The following NKD1 variants were observed in gnomAD, a reference collection of about 807,000 sequenced individuals.
NKD1 encodes the protein protein naked cuticle homolog 1.
A neutral mutation model predicts 56.0 loss-of-function variants in NKD1; 21 were observed. That is an observed-to-expected ratio of 0.38 (90% CI 0.27 to 0.54). The LOEUF (loss-of-function observed/expected upper bound fraction) is 0.54, where lower values mean the gene tolerates loss of function less well. Among genes scored for constraint, NKD1 ranks in the 20% least tolerant of loss-of-function variants. The pLI, the probability that NKD1 is intolerant of heterozygous loss-of-function variation, is 0.82. For missense variants in NKD1, 578 were observed against 642.7 expected (o/e 0.90, Z 1.09); for synonymous variants, 263 against 265.7 (o/e 0.99, Z 0.10).
At chr16:50,595,070 T>A (rs1053307567) in intron 3 of NKD1, among the ~76,000 whole-genome samples, 2 of 152,192 alleles carry the variant, frequency 1.3e-5, no homozygotes, top group African/African-American at 2.4e-5. Context: ...AAGGTGGGCT[T>A]GTTGGTCTGG....
chr16:50,620,668 G>A (rs183015890), intron 4 of NKD1, among the ~76,000 whole-genome samples: 3 of 152,316 alleles, frequency 2.0e-5, no homozygotes, highest in East Asian at 3.9e-4. Flanking sequence ...CTATCTGACA[G>A]AGACAAAATG....
At chr16:50,589,770 T>C (rs1324620406) in intron 3 of NKD1, among the ~76,000 whole-genome samples, 1 of 80,064 alleles carries the variant, frequency 1.2e-5, no homozygotes, top group East Asian at 4.0e-4. Context: ...TTCTCTCCTC[T>C]CCTCTCCTCT....
chr16:50,598,731 G>T lies in NKD1; in HGVS notation c.193-9563G>T, dbSNP rs1961530879. Among the ~76,000 whole-genome samples the T allele has an allele frequency of 6.6e-6, 1 of 152,306 alleles. No individual in the cohort carries two copies. The highest frequency in any genetic ancestry group is 2.1e-4 in the South Asian group (1 of 4,828). On this transcript the variant is annotated intron_variant, in intron 3 of 9. Coordinates refer to ENST00000268459, the MANE Select transcript of NKD1 (RefSeq NM_033119.5). This position sits in a 1 kb window ranked among gnomAD's most constrained non-coding sequence, Gnocchi z 4.2. ...GGCTGTGTGGCGTGGCGGGCCAGTG[G>T]CTGGGCTAGTCAGCAGTGTGGCAGG...
intron 3 of NKD1, among the ~76,000 whole-genome samples, chr16:50,552,952 C>G (rs949060386): frequency 7.2e-5 from 11 of 152,172 alleles, no homozygotes; most frequent in African/African-American, 2.4e-4. Flanking sequence ...AATATGGACT[C>G]ATAGGAGAAA....
At position 50,631,452 on chromosome 16, in the gene NKD1, C is replaced by T. The variant is rs539863560; in HGVS notation, c.695+542C>T. Among the ~76,000 whole-genome samples the T allele has an allele frequency of 4.6e-5, 7 of 152,250 alleles. No individual in the cohort carries two copies. The East Asian group carries it at 7.7e-4, about 17-fold the overall frequency. ...AGGGATTGAGTAAACAACAGTAACACGGCAGGCATAAGGCTGTGTTAACCT... is the reference window on the plus strand; with the variant it reads ...AGGGATTGAGTAAACAACAGTAACATGGCAGGCATAAGGCTGTGTTAACCT... On this transcript the variant is annotated intron_variant, in intron 8 of 9. Transcript: ENST00000268459.
rs1043186892 is a variant in NKD1 at position 50,646,889 on chromosome 16, G to A, written c.*13108G>A. The A allele has an allele frequency of 5.3e-5, 8 of 152,158 alleles. No individual in the cohort carries two copies. Among genetic ancestry groups the A allele is most frequent in the African/African-American group, 1.7e-4 (7 of 41,396 alleles). The allele number at this position is 152,158 out of a possible 1,614,324, so 9.4% of individuals were successfully genotyped here. A position where few individuals can be genotyped will look rare whatever the true frequency, so the allele number is the denominator to read the frequency against. ...AACAGCTGGGTCAGGATATCCCCAG[G>A]GTCATGCCTCTGCCACCCAGACCCC... On this transcript the variant is annotated 3_prime_UTR_variant, in exon 10 of 10. Coordinates refer to ENST00000268459, the MANE Select transcript of NKD1 (RefSeq NM_033119.5).
intron 5 of NKD1, among the ~76,000 whole-genome samples, chr16:50,622,980 C>T (rs150245772): frequency 0.014 from 2,050 of 151,802 alleles, 20 homozygotes; most frequent in Middle Eastern, 0.034. Context: ...GAGGGAACAG[C>T]GGCTGTGGAT....
chr16:50,596,703 G>A (rs996804839), intron 3 of NKD1, among the ~76,000 whole-genome samples: 1 of 152,268 alleles, frequency 6.6e-6, no homozygotes, highest in Admixed American at 6.5e-5. Context: ...CCGCCGTCAG[G>A]CGTTGATACA....
At chr16:50,569,120 C>T (rs779606359) in intron 3 of NKD1, among the ~76,000 whole-genome samples, 71 of 152,300 alleles carry the variant, frequency 4.7e-4, no homozygotes, top group Non-Finnish European at 9.0e-4. Flanking sequence ...TGGTGCCCAG[C>T]GCCTTCTGAT....
chr16:50,623,280 C>T lies in NKD1; in HGVS notation c.366+1572C>T, dbSNP rs1271083790. On this transcript the variant is annotated intron_variant, in intron 5 of 9. Transcript: ENST00000268459. The surrounding 1 kb of genome is among the most constrained non-coding windows in gnomAD (Gnocchi z 4.1). ...CCATGCCCCACCATCCTGCACAGGC[C>T]ACACCACACAGCTTGTTCTCCCCAC... Among the ~76,000 whole-genome samples, 1 of 152,062 alleles carries T rather than the reference C, an allele frequency of 6.6e-6. No individual in the cohort carries two copies. The highest frequency in any genetic ancestry group is 1.9e-4 in the East Asian group (1 of 5,144).
chr16:50,566,864 C>T (rs984352874), intron 3 of NKD1, among the ~76,000 whole-genome samples: 1 of 152,186 alleles, frequency 6.6e-6, no homozygotes, highest in Non-Finnish European at 1.5e-5. Flanking sequence ...TTTTAACCCT[C>T]AAGGAGTGAG....
Position 50,549,298 on chromosome 16 carries a change from G to A in NKD1, c.59-124G>A, listed in dbSNP as rs570621870. The stretch of plus-strand genomic sequence containing the variant: ...TCTCTTGGCTCCTGCCCCAGCCCGC[G>A]AACCCCCTCCTGGCCCCCGTGCCGT... On this transcript the variant is annotated intron_variant, in intron 2 of 9. Transcript: ENST00000268459. 4.5e-5 allele frequency: 56 copies of A among 1,245,732 alleles called. 1 individual carries two copies. In the Middle Eastern group the frequency reaches 8.6e-4, roughly 19 times the overall value. 77.2% of individuals were successfully genotyped at this position (1,245,732 alleles called of 1,614,324 possible). A position where few individuals can be genotyped will look rare whatever the true frequency, so the allele number is the denominator to read the frequency against.
Position 50,630,223 on chromosome 16 carries a change from T to C in NKD1, c.500T>C (p.Val167Ala), listed in dbSNP as rs1962311934. The C allele has an allele frequency of 6.2e-7, 1 of 1,614,102 alleles. No homozygotes were observed. Among genetic ancestry groups the C allele is most frequent in the South Asian group, 1.1e-5 (1 of 91,070 alleles). Residue 167 changes from valine to alanine, a missense_variant, in exon 7 of 10, where the codon GTG (valine) becomes GCG (alanine). By Grantham distance (64) the Val-to-Ala change is moderately conservative. Coordinates refer to ENST00000268459, the MANE Select transcript of NKD1 (RefSeq NM_033119.5). ...TSLLHTIYEV[V>A]DSSVNHSPTS... ...TTGCTGCACACCATCTATGAGGTGG[T>C]GGACTCCTCTGTCAACCACTCCCCA...
intron 6 of NKD1, among the ~76,000 whole-genome samples, chr16:50,626,301 G>A (rs764643182): frequency 3.3e-5 from 5 of 152,216 alleles, no homozygotes; most frequent in African/African-American, 4.8e-5. Context: ...CACGTTCCTC[G>A]CCCTGGAGCT....
intron 7 of NKD1, among the ~76,000 whole-genome samples, chr16:50,630,539 G>A (rs1360752012): frequency 6.6e-6 from 1 of 152,088 alleles, no homozygotes; most frequent in Non-Finnish European, 1.5e-5. Flanking sequence ...CCTCATATAG[G>A]CAGAGCCATG....
intron 3 of NKD1, among the ~76,000 whole-genome samples, chr16:50,579,276 C>T (rs559180496): frequency 6.2e-5 from 9 of 144,414 alleles, no homozygotes; most frequent in African/African-American, 1.8e-4. Context: ...CACTCTAACC[C>T]GCCACGCATG....
intron 3 of NKD1, among the ~76,000 whole-genome samples, chr16:50,590,162 C>T (rs1206333427): frequency 2.0e-5 from 3 of 152,166 alleles, no homozygotes; most frequent in African/African-American, 7.2e-5. Context: ...CTCTTTTGAC[C>T]TTGATACTAT....
chr16:50,635,900 G>C lies in NKD1; in HGVS notation c.*2119G>C, dbSNP rs1298878557. 1.3e-5 allele frequency: 2 copies of C among 152,268 alleles called. No individual in the cohort carries two copies. Among genetic ancestry groups the C allele is most frequent in the African/African-American group, 4.8e-5 (2 of 41,464 alleles). The allele number at this position is 152,268 out of a possible 1,614,324, so 9.4% of individuals were successfully genotyped here. A position where few individuals can be genotyped will look rare whatever the true frequency, so the allele number is the denominator to read the frequency against. On this transcript the variant is annotated 3_prime_UTR_variant, in exon 10 of 10. Coordinates refer to ENST00000268459, the MANE Select transcript of NKD1 (RefSeq NM_033119.5). The surrounding 1 kb of genome is among the most constrained non-coding windows in gnomAD (Gnocchi z 4.1). Reference sequence around the variant, plus strand: ...GGAAGGCAGGGAGGGAACTGGCTTTGAGATGACAGGGTCCAGGATGTGAAT... The same window carrying C: ...GGAAGGCAGGGAGGGAACTGGCTTTCAGATGACAGGGTCCAGGATGTGAAT...
At chr16:50,551,356 C>G (rs1960380822) in intron 3 of NKD1, among the ~76,000 whole-genome samples, 1 of 152,186 alleles carries the variant, frequency 6.6e-6, no homozygotes. Context: ...CCCTCTCTCC[C>G]TCACCCCCTC....
Sources: gnomAD v4.1 joint callset for allele counts (sites outside exome capture counted in the v4.1 genomes callset) on GRCh38, gnomAD v4.1.1 for gene constraint, Gnocchi (gnomAD v3.1) non-coding constraint, MANE v1.5 for transcripts, NCBI Gene and HGNC (gene_info 2026-07-23, HGNC 2026-07-21) for gene names.